Variants in APOBR observed in about 807,000 individuals in gnomAD.
APOBR encodes apolipoprotein B receptor.
Under a neutral mutation model 88.5 loss-of-function variants are expected in APOBR, and 57 were observed. The observed-to-expected ratio is 0.64, with a 90% CI of 0.52 to 0.80. APOBR has a LOEUF of 0.80. Ranked by LOEUF, APOBR falls within the 30% of genes least tolerant of loss-of-function variation. The probability of loss-of-function intolerance (pLI) is 0.00; values close to 1 mark genes in which losing one functional copy is unlikely to be tolerated. For missense variants in APOBR, 1,443 were observed against 1,401.6 expected (o/e 1.03, Z -0.47); for synonymous variants, 588 against 572.7 (o/e 1.03, Z -0.38).
In APOBR at chr16:28,496,366, G is replaced by C; in HGVS notation, c.1325G>C (p.Ser442Thr). Reference sequence around the variant, plus strand: ...GAAAGAACAGAAGAGGCTGCTGAGAGCCAGACCGCAGGGAGGGAAGCTGTG... The same window carrying C: ...GAAAGAACAGAAGAGGCTGCTGAGACCCAGACCGCAGGGAGGGAAGCTGTG... ...GTERTEEAAE[S>T]QTAGREAVGG... Residue 442 changes from serine (S) to threonine (T), a missense_variant, in exon 2 of 4, where the codon AGC becomes ACC. Ser to Thr is a moderately conservative substitution (Grantham distance 58). Transcript: ENST00000564831. 1 of 1,601,542 alleles carries C rather than the reference G, an allele frequency of 6.2e-7. No individual in the cohort carries two copies.
Position 28,496,318 on chromosome 16 carries a change from A to T in APOBR, c.1277A>T (p.Lys426Ile). The T allele has an allele frequency of 1.3e-6, 2 of 1,585,134 alleles. No individual in the cohort carries two copies. The highest frequency in any genetic ancestry group is 2.3e-5 in the South Asian group (2 of 86,692). ...EREAEVSPFP[K>I]QPQVLGTERT... ...GAGGCTGAGGTGAGCCCTTTCCCCA[A>T]ACAGCCCCAGGTCCTGGGCACTGAA... Residue 426 changes from lysine to isoleucine, a missense_variant, in exon 2 of 4, where the codon AAA becomes ATA. By Grantham distance (102) the Lys-to-Ile change is moderately radical. Coordinates refer to ENST00000564831, the MANE Select transcript of APOBR (RefSeq NM_018690.4).
chr16:28,494,765 A>G, intron 1 of APOBR, 27 bp downstream of exon 1: 5 of 1,593,766 alleles, frequency 3.1e-6, no homozygotes, highest in Non-Finnish European at 3.4e-6. Context: ...GCTGCCAGAT[A>G]CTTGCACCCC....
Position 28,496,023 on chromosome 16 carries a change from G to A in APOBR, c.982G>A (p.Ala328Thr). 6.3e-7 allele frequency: 1 copy of A among 1,597,834 alleles called. No homozygotes were observed. Reference sequence around the variant, plus strand: ...TGAAACAGCCTCAGGCGGGGAGGAGGCCGGGACAGCCTCGGGAGGGGAGGA... The same window carrying A: ...TGAAACAGCCTCAGGCGGGGAGGAGACCGGGACAGCCTCGGGAGGGGAGGA... ...EAETASGGEE[A>T]GTASGGEEAG... The change falls in exon 2 of 4, where the codon GCC becomes ACC. Residue 328 changes from alanine to threonine, a missense_variant. Physicochemically the swap from Ala to Thr is moderately conservative, Grantham distance 58. Coordinates refer to ENST00000564831, the MANE Select transcript of APOBR (RefSeq NM_018690.4).
Position 28,497,080 on chromosome 16 carries a change from G to A in APOBR, c.2039G>A (p.Gly680Glu), listed in dbSNP as rs2141732944. 1.3e-6 allele frequency: 2 copies of A among 1,596,182 alleles called. No homozygotes were observed. Among genetic ancestry groups the A allele is most frequent in the Non-Finnish European group, 1.7e-6 (2 of 1,171,936 alleles). The change falls in exon 2 of 4, where the codon GGG becomes GAG. Residue 680 changes from glycine to glutamate, a missense_variant. Transcript: ENST00000564831. The stretch of plus-strand genomic sequence containing the variant: ...GAAGTCCCAGAGGCAGGCGGGGAGG[G>A]GCTGACAACCCAGGACGCGGGATGT... Reference protein sequence around the residue: ...LSEVPEAGGEGLTTQDAGCGT... With the variant: ...LSEVPEAGGEELTTQDAGCGT...
Position 28,495,088 on chromosome 16 carries a change from T to C in APOBR, c.58-11T>C, listed in dbSNP as rs1188205490. 7 of 1,490,138 alleles carry C rather than the reference T, an allele frequency of 4.7e-6. No individual in the cohort carries two copies. Among genetic ancestry groups the C allele is most frequent in the South Asian group, 1.4e-5 (1 of 71,848 alleles). 92.3% of individuals were successfully genotyped at this position (1,490,138 alleles called of 1,614,324 possible). On this transcript the variant is annotated splice_polypyrimidine_tract_variant and intron_variant, in intron 1 of 3. Transcript: ENST00000564831. ...TCAATGACTCTCCCCTCTCTCTCTC[T>C]TTTTTCCTAGGATTCCCTCGGCACC...
rs934028531 is a variant in APOBR at position 28,497,274 on chromosome 16, G to C, written c.2233G>C (p.Val745Leu). 1 of 1,591,268 alleles carries C rather than the reference G, an allele frequency of 6.3e-7. No individual in the cohort carries two copies. The highest frequency in any genetic ancestry group is 1.3e-5 in the African/African-American group (1 of 74,644). ...TSRRGWRLQA[V>L]AVGLPDREDA... ...CAGAAGAGGCTGGAGGCTGCAAGCGGTGGCTGTGGGCCTCCCGGACCGTGA... is the reference window on the plus strand; with the variant it reads ...CAGAAGAGGCTGGAGGCTGCAAGCGCTGGCTGTGGGCCTCCCGGACCGTGA... Residue 745 changes from valine to leucine, a missense_variant, in exon 2 of 4, where the codon GTG (valine) becomes CTG (leucine). By Grantham distance (32) the Val-to-Leu change is conservative. Coordinates refer to ENST00000564831, the MANE Select transcript of APOBR (RefSeq NM_018690.4).
Position 28,498,687 on chromosome 16 carries a change from A to C in APOBR, c.*182A>C, listed in dbSNP as rs1192207649. 2.8e-6 allele frequency: 2 copies of C among 710,530 alleles called. No individual in the cohort carries two copies. The highest frequency in any genetic ancestry group is 4.6e-6 in the Non-Finnish European group (2 of 436,730). The allele number at this position is 710,530 out of a possible 1,614,324, so 44.0% of individuals were successfully genotyped here. ...GACGTCTGGGAAGACCGTGAACTTA[A>C]GGAGTCTGATTCTCCGACACAGGCT... On this transcript the variant is annotated 3_prime_UTR_variant, in exon 4 of 4. Coordinates refer to ENST00000564831, the MANE Select transcript of APOBR (RefSeq NM_018690.4).
chr16:28,498,211 C>T lies in APOBR; in HGVS notation c.3086C>T (p.Pro1029Leu). ...CCGGCCTGGGAGCAGCAGGAGGAGC[C>T]CCCAGCCCCCAACCCTCCTGAGGAG... Reference protein sequence around the residue: ...RTPAWEQQEEPPAPNPPEEEL... With the variant: ...RTPAWEQQEELPAPNPPEEEL... Residue 1029 changes from proline (P) to leucine (L), a missense_variant, in exon 3 of 4, where the codon CCC becomes CTC. By Grantham distance (98) the Pro-to-Leu change is moderately conservative. Coordinates refer to ENST00000564831, the MANE Select transcript of APOBR (RefSeq NM_018690.4). The T allele has an allele frequency of 6.2e-7, 1 of 1,606,372 alleles. No individual in the cohort carries two copies.
rs1422517704 is a variant in APOBR at position 28,498,834 on chromosome 16, G to A, written c.*329G>A. 1.8e-6 allele frequency: 1 copy of A among 569,706 alleles called. No individual in the cohort carries two copies. The highest frequency in any genetic ancestry group is 2.6e-5 in the Admixed American group (1 of 38,126). 35.3% of individuals were successfully genotyped at this position (569,706 alleles called of 1,614,324 possible). On this transcript the variant is annotated 3_prime_UTR_variant, in exon 4 of 4. Coordinates refer to ENST00000564831, the MANE Select transcript of APOBR (RefSeq NM_018690.4). The stretch of plus-strand genomic sequence containing the variant: ...ACGGGGGCTCACGCCTGTCACCCCA[G>A]AGCTTTGGGAGGCCAAGGTGGGAGG...
chr16:28,498,488 C>T lies in APOBR; in HGVS notation c.3277C>T (p.Arg1093Trp), dbSNP rs765766783. ...GCAGGAGCTGCAAGCCCGTCTGGGC[C>T]GGCCTAAGCCCCAGTGACTGAGACC... ...MMQELQARLG[R>W]PKPQ Residue 1093 changes from arginine (R) to tryptophan (W), a missense_variant, in exon 4 of 4, where the codon CGG becomes TGG. Transcript: ENST00000564831. 7 of 1,599,334 alleles carry T rather than the reference C, an allele frequency of 4.4e-6. No homozygotes were observed. Among genetic ancestry groups the T allele is most frequent in the East Asian group, 4.5e-5 (2 of 44,184 alleles).
chr16:28,494,810 G>A (rs2046377140), intron 1 of APOBR, 72 bp downstream of exon 1: 1 of 1,439,968 alleles, frequency 6.9e-7, no homozygotes, highest in Non-Finnish European at 9.6e-7. Flanking sequence ...CACCTCCCCT[G>A]GGGCCTCACC....
rs1478040895 is a variant in APOBR at position 28,498,520 on chromosome 16, T to C, written c.*15T>C. On this transcript the variant is annotated 3_prime_UTR_variant, in exon 4 of 4. Coordinates refer to ENST00000564831, the MANE Select transcript of APOBR (RefSeq NM_018690.4). ...AGCCCCAGTGACTGAGACCCGGTGCTCTGGGAGCCAGGCCCTGAGTGGGTG... is the reference window on the plus strand; with the variant it reads ...AGCCCCAGTGACTGAGACCCGGTGCCCTGGGAGCCAGGCCCTGAGTGGGTG... The C allele has an allele frequency of 1.3e-6, 2 of 1,580,450 alleles. No individual in the cohort carries two copies. Among genetic ancestry groups the C allele is most frequent in the Non-Finnish European group, 1.7e-6 (2 of 1,163,984 alleles).
At position 28,496,124 on chromosome 16, in the gene APOBR, GGAGGCCGGGACAGCCTCAGGAGGGGAC is replaced by G. The variant is rs749453815; in HGVS notation, c.1090_1116del (p.Gly364_Ala372del). The G allele has an allele frequency of 1.1e-5, 10 of 894,552 alleles. No individual in the cohort carries two copies. Among genetic ancestry groups the G allele is most frequent in the Non-Finnish European group, 1.2e-5 (8 of 658,478 alleles). 55.4% of individuals were successfully genotyped at this position (894,552 alleles called of 1,614,324 possible). ...AGGCCGGGACAGCCTCAGGAGGGGA[GGAGGCCGGGACAGCCTCAGGAGGGGAC>G]GAGGCCTGGACAACCTCAGGCAAAG... On this transcript the variant is annotated inframe_deletion, in exon 2 of 4. Coordinates refer to ENST00000564831, the MANE Select transcript of APOBR (RefSeq NM_018690.4).
chr16:28,497,610 C>T lies in APOBR; in HGVS notation c.2569C>T (p.Pro857Ser). The T allele has an allele frequency of 6.2e-7, 1 of 1,604,774 alleles. No homozygotes were observed. Among genetic ancestry groups the T allele is most frequent in the South Asian group, 1.1e-5 (1 of 89,478 alleles). The change falls in exon 2 of 4, where the codon CCC becomes TCC. Residue 857 changes from proline (P) to serine (S), a missense_variant. Pro to Ser is a moderately conservative substitution (Grantham distance 74). Transcript: ENST00000564831. ...CGCAGAGGACAGCTGTGGGCTGGATCCCGCGGGCTCCCAGACAGCGAGGGC... is the reference window on the plus strand; with the variant it reads ...CGCAGAGGACAGCTGTGGGCTGGATTCCGCGGGCTCCCAGACAGCGAGGGC... ...AGAEDSCGLD[P>S]AGSQTARAEG...
chr16:28,497,594 C>G lies in APOBR; in HGVS notation c.2553C>G (p.Asp851Glu), dbSNP rs763480135. The change falls in exon 2 of 4, where the codon GAC becomes GAG. Residue 851 changes from aspartate to glutamate, a missense_variant. Physicochemically the swap from Asp to Glu is conservative, Grantham distance 45. Transcript: ENST00000564831. ...VEAEESAGAE[D>E]SCGLDPAGSQ... is the part of the protein sequence containing the mutation. ...CCGAGGAATCTGCAGGCGCAGAGGA[C>G]AGCTGTGGGCTGGATCCCGCGGGCT... 6.2e-7 allele frequency: 1 copy of G among 1,605,744 alleles called. No individual in the cohort carries two copies. The highest frequency in any genetic ancestry group is 1.1e-5 in the South Asian group (1 of 89,594).
At chr16:28,498,018 T>C (rs2046407365) in intron 2 of APOBR, 22 bp downstream of exon 2, 5 of 1,563,038 alleles carry the variant, frequency 3.2e-6, no homozygotes, top group Non-Finnish European at 4.3e-6. Flanking sequence ...TGGTGGGGTC[T>C]CGGGGGGAAC....
At position 28,498,681 on chromosome 16, in the gene APOBR, A is replaced by T. The variant is rs955508834; in HGVS notation, c.*176A>T. On this transcript the variant is annotated 3_prime_UTR_variant, in exon 4 of 4. Transcript: ENST00000564831. Reference sequence around the variant, plus strand: ...AAACCAGACGTCTGGGAAGACCGTGAACTTAAGGAGTCTGATTCTCCGACA... The same window carrying T: ...AAACCAGACGTCTGGGAAGACCGTGTACTTAAGGAGTCTGATTCTCCGACA... 4 of 733,036 alleles carry T rather than the reference A, an allele frequency of 5.5e-6. No individual in the cohort carries two copies. The Admixed American group carries it at 1.2e-4, about 21-fold the overall frequency. 45.4% of individuals were successfully genotyped at this position (733,036 alleles called of 1,614,324 possible).
At position 28,498,940 on chromosome 16, in the gene APOBR, A is replaced by C; in HGVS notation, c.*435A>C. The C allele has an allele frequency of 2.3e-6, 1 of 440,454 alleles. No homozygotes were observed. The highest frequency in any genetic ancestry group is 4.4e-6 in the Non-Finnish European group (1 of 228,364). 27.3% of individuals were successfully genotyped at this position (440,454 alleles called of 1,614,324 possible). On this transcript the variant is annotated 3_prime_UTR_variant, in exon 4 of 4. Coordinates refer to ENST00000564831, the MANE Select transcript of APOBR (RefSeq NM_018690.4). ...CTTTTAAAAACAAAATAAAACAATAAAGACTGCAAGGAAGACTGAGGGAAC... is the reference window on the plus strand; with the variant it reads ...CTTTTAAAAACAAAATAAAACAATACAGACTGCAAGGAAGACTGAGGGAAC...
intron 1 of APOBR, 59 bp downstream of exon 1, chr16:28,494,797 G>A (rs1232332072): frequency 6.6e-6 from 10 of 1,517,474 alleles, no homozygotes; most frequent in South Asian, 3.6e-5. Context: ...CCTCACTTCC[G>A]GGCACCTCCC....
Sources: allele counts gnomAD v4.1 joint callset, GRCh38; gene constraint gnomAD v4.1.1; transcripts MANE v1.5; gene names NCBI Gene and HGNC (gene_info 2026-07-23, HGNC 2026-07-21).